The following FHOD3 variants were observed in gnomAD, a reference collection of about 807,000 sequenced individuals.
FHOD3 encodes formin homology 2 domain containing 3.
In FHOD3, 90 loss-of-function variants were observed where a neutral mutation model predicts 173.0. The ratio of observed to expected loss-of-function variants is 0.52; its 90% CI spans 0.44 to 0.62. The LOEUF (loss-of-function observed/expected upper bound fraction) is 0.62, where lower values mean the gene tolerates loss of function less well. FHOD3 is among the 20% of genes least tolerant of loss of function. FHOD3 has a pLI of 0.00. For missense variants in FHOD3, 1,945 were observed against 2,034.7 expected, an observed-to-expected ratio of 0.96 and a Z score of 0.85; for synonymous variants, 828 against 823.0, an observed-to-expected ratio of 1.01 and a Z score of -0.10.
At position 36,729,453 on chromosome 18, in the gene FHOD3, G is replaced by T. The variant is rs533413304; in HGVS notation, c.3418-1193G>T. On this transcript the variant is annotated intron_variant, in intron 19 of 28. Transcript: ENST00000590592. ...GACACTGTCTTAGTTTGCTAAGGCT[G>T]CCATAATAAAATACCACACACAGGT... Among the ~76,000 whole-genome samples, 3 of 152,322 alleles carry T rather than the reference G, an allele frequency of 2.0e-5. No individual in the cohort carries two copies. The East Asian group carries it at 5.8e-4, about 29-fold the overall frequency.
At chr18:36,381,430 T>C (rs876138) in intron 3 of FHOD3, among the ~76,000 whole-genome samples, 61,835 of 152,000 alleles carry the variant, frequency 0.41, 13,200 homozygotes, top group East Asian at 0.68. Context: ...CTTGTTCTGG[T>C]TTTACGTTGG....
At chr18:36,699,047 T>C (rs150593016) in intron 17 of FHOD3, among the ~76,000 whole-genome samples, 14 of 152,298 alleles carry the variant, frequency 9.2e-5, no homozygotes, top group African/African-American at 2.9e-4. Flanking sequence ...CCCTATCTTC[T>C]AAGAGAAGAC....
intron 9 of FHOD3, among the ~76,000 whole-genome samples, chr18:36,614,347 T>A (rs7239767): frequency 0.12 from 17,752 of 152,310 alleles, 1,245 homozygotes; most frequent in Non-Finnish European, 0.16. Context: ...ATAGTTGTGC[T>A]GACAGTATTC....
intron 1 of FHOD3, among the ~76,000 whole-genome samples, chr18:36,312,461 G>A (rs1054743695): frequency 2.6e-5 from 4 of 152,060 alleles, no homozygotes; most frequent in East Asian, 3.9e-4. Flanking sequence ...CGTCCTGGAC[G>A]TCCCAACAGG....
intron 1 of FHOD3, among the ~76,000 whole-genome samples, chr18:36,321,910 C>T (rs1405151450): frequency 1.3e-5 from 2 of 152,198 alleles, no homozygotes; most frequent in Non-Finnish European, 2.9e-5. Flanking sequence ...CCTGTGTTCT[C>T]AGATGCCTCC....
chr18:36,407,037 C>CA (rs1200601202), intron 3 of FHOD3, among the ~76,000 whole-genome samples: 1 of 152,218 alleles, frequency 6.6e-6, no homozygotes, highest in Non-Finnish European at 1.5e-5. Flanking sequence ...GTAATCGCAT[C>CA]ATGTGTCTGG....
intron 3 of FHOD3, among the ~76,000 whole-genome samples, chr18:36,381,398 C>G (rs991473705): frequency 6.6e-6 from 1 of 152,240 alleles, no homozygotes; most frequent in African/African-American, 2.4e-5. Context: ...TGCTTCCACT[C>G]TGATCACTTG....
intron 17 of FHOD3, among the ~76,000 whole-genome samples, chr18:36,703,289 A>C (rs1267196812): frequency 6.6e-6 from 1 of 152,106 alleles, no homozygotes; most frequent in Admixed American, 6.5e-5. Context: ...CCTTCTTCCT[A>C]CCTTTGCTAG....
chr18:36,341,153 T>C (rs2045597597), intron 1 of FHOD3, among the ~76,000 whole-genome samples: 1 of 152,256 alleles, frequency 6.6e-6, no homozygotes, highest in South Asian at 2.1e-4. Flanking sequence ...TACAGATTTA[T>C]ATCAATTAAA....
Position 36,431,813 on chromosome 18 carries a change from C to A in FHOD3, c.337+59069C>A, listed in dbSNP as rs531114240. 2.6e-5 allele frequency among the ~76,000 whole-genome samples: 4 copies of A among 152,262 alleles called. No individual in the cohort carries two copies. The East Asian group carries it at 7.7e-4, about 29-fold the overall frequency. On this transcript the variant is annotated intron_variant, in intron 3 of 28. Transcript: ENST00000590592. ...GTTTCCAGAGAACCAAGAGTAACCA[C>A]GACTGTTTGCAGAGAGTGAGTTTTG...
At chr18:36,471,942 G>A (rs2053309923) in intron 3 of FHOD3, among the ~76,000 whole-genome samples, 2 of 152,166 alleles carry the variant, frequency 1.3e-5, no homozygotes, top group Admixed American at 1.3e-4. Flanking sequence ...ATCCAATCCA[G>A]ATGGAGAACC....
intron 3 of FHOD3, among the ~76,000 whole-genome samples, chr18:36,498,420 G>C (rs2054854874): frequency 6.6e-6 from 1 of 152,086 alleles, no homozygotes; most frequent in South Asian, 2.1e-4. Flanking sequence ...AAATAAAATT[G>C]ATAGATTTCT....
intron 15 of FHOD3, among the ~76,000 whole-genome samples, chr18:36,686,621 C>G (rs2038634962): frequency 8.3e-6 from 1 of 120,068 alleles, no homozygotes; most frequent in East Asian, 2.7e-4. Flanking sequence ...CTGCACACCC[C>G]TCATGTATCC....
At chr18:36,758,534 G>C (rs960484925) in intron 25 of FHOD3, among the ~76,000 whole-genome samples, 1 of 152,082 alleles carries the variant, frequency 6.6e-6, no homozygotes, top group South Asian at 2.1e-4. Flanking sequence ...ATGTGAACAC[G>C]CTGCTGGAGC....
At chr18:36,430,272 A>G (rs1381145645) in intron 3 of FHOD3, among the ~76,000 whole-genome samples, 1 of 152,226 alleles carries the variant, frequency 6.6e-6, no homozygotes, top group East Asian at 1.9e-4. Context: ...TCTGCAGTGC[A>G]GTGGCACGAT....
Position 36,382,888 on chromosome 18 carries a change from G to A in FHOD3, c.337+10144G>A, listed in dbSNP as rs554753544. ...TTTCTAGCTTTGATGTTTGGGCACC[G>A]ATTTCCCTAGGTTTGACTGTTTGCT... is the stretch of plus-strand genomic sequence containing the variant. On this transcript the variant is annotated intron_variant, in intron 3 of 28. Transcript: ENST00000590592. Among the ~76,000 whole-genome samples the A allele has an allele frequency of 6.6e-5, 10 of 152,296 alleles. No individual in the cohort carries two copies. The East Asian group carries it at 1.5e-3, about 24-fold the overall frequency.
chr18:36,513,195 AC>A (rs1483100560), intron 5 of FHOD3, among the ~76,000 whole-genome samples: 3 of 151,654 alleles, frequency 2.0e-5, no homozygotes, highest in African/African-American at 7.3e-5. Context: ...AAAAAAAAAA[AC>A]AAATAACAAA....
intron 5 of FHOD3, among the ~76,000 whole-genome samples, chr18:36,547,255 C>A (rs1048127274): frequency 6.6e-6 from 1 of 152,202 alleles, no homozygotes; most frequent in African/African-American, 2.4e-5. Flanking sequence ...GAGGCACTGA[C>A]TTGAGTGGAA....
At chr18:36,438,178 G>T (rs1352705277) in intron 3 of FHOD3, among the ~76,000 whole-genome samples, 1 of 152,018 alleles carries the variant, frequency 6.6e-6, no homozygotes, top group South Asian at 2.1e-4. Context: ...ATTTATCTTA[G>T]TCTCAAGCTG....
Sources: gnomAD v4.1 joint callset for allele counts (sites outside exome capture counted in the v4.1 genomes callset) on GRCh38, gnomAD v4.1.1 for gene constraint, MANE v1.5 for transcripts, NCBI Gene and HGNC (gene_info 2026-07-23, HGNC 2026-07-21) for gene names.